The following TANGO6 variants were observed in gnomAD, a reference collection of about 807,000 sequenced individuals.
TANGO6 encodes the protein transport and Golgi organization protein 6 homolog.
TANGO6 carries 90 observed loss-of-function variants against 114.2 expected under a neutral mutation model. That is an observed-to-expected ratio of 0.79 (90% CI 0.66 to 0.94). The LOEUF (loss-of-function observed/expected upper bound fraction) is 0.94, where lower values mean the gene tolerates loss of function less well. Among genes scored for constraint, TANGO6 ranks in the 40% least tolerant of loss-of-function variants. The probability of loss-of-function intolerance (pLI) is 0.00; values close to 1 mark genes in which losing one functional copy is unlikely to be tolerated. For missense variants in TANGO6, 1,274 were observed against 1,315.3 expected (o/e 0.97, Z 0.49); for synonymous variants, 477 against 509.8 (o/e 0.94, Z 0.87).
At chr16:68,925,241 T>C (rs28645609) in intron 12 of TANGO6, among the ~76,000 whole-genome samples, 30,445 of 151,682 alleles carry the variant, frequency 0.2, 3,410 homozygotes, top group African/African-American at 0.3. Flanking sequence ...ACCTGGGAGG[T>C]GGAGGTTGCA....
At position 68,905,230 on chromosome 16, in the gene TANGO6, CA is replaced by C. The variant is rs1003510004; in HGVS notation, c.1668-2204del. On this transcript the variant is annotated intron_variant, in intron 9 of 17. Transcript: ENST00000261778. The stretch of plus-strand genomic sequence containing the variant: ...GGGCAACAAGAGTGGAACTGTGTCT[CA>C]AAAAAAAATAAAATAAAATTGGGGC... Among the ~76,000 whole-genome samples, 102 of 140,014 alleles carry C rather than the reference CA, an allele frequency of 7.3e-4. 1 individual carries two copies. The highest frequency in any genetic ancestry group is 2.6e-3 in the African/African-American group (100 of 37,746). 91.9% of individuals were successfully genotyped at this position (140,014 alleles called of 152,430 possible).
At chr16:68,919,484 A>G (rs189132852) in intron 12 of TANGO6, among the ~76,000 whole-genome samples, 2 of 152,276 alleles carry the variant, frequency 1.3e-5, no homozygotes, top group Admixed American at 1.3e-4. Flanking sequence ...GGGAACATCT[A>G]GCCTGGTGTT....
Position 68,878,212 on chromosome 16 carries a change from C to G in TANGO6, c.1226C>G (p.Pro409Arg). 6.2e-7 allele frequency: 1 copy of G among 1,613,214 alleles called. No individual in the cohort carries two copies. Among genetic ancestry groups the G allele is most frequent in the Non-Finnish European group, 8.5e-7 (1 of 1,179,604 alleles). The stretch of plus-strand genomic sequence containing the variant: ...TTTATAACTTTGTCAAGAGAACGCC[C>G]ACATTTGGCAGCAAAGTATTTGCTC... ...TTFITLSRER[P>R]HLAAKYLLQP... The change falls in exon 6 of 18, where the codon CCA (proline) becomes CGA (arginine). Residue 409 changes from proline to arginine, a missense_variant. Pro to Arg is a moderately radical substitution (Grantham distance 103). This residue lies in a region of TANGO6 where 908 missense variants were observed against 910.2 expected (regional missense o/e 1.00). Transcript: ENST00000261778.
At chr16:68,988,447 G>C (rs1184480307) in intron 15 of TANGO6, among the ~76,000 whole-genome samples, 1 of 152,156 alleles carries the variant, frequency 6.6e-6, no homozygotes, top group African/African-American at 2.4e-5. Flanking sequence ...CCAGGGCTCT[G>C]CCCTTGGTCC....
chr16:69,082,624 A>G (rs555547711), intron 17 of TANGO6, among the ~76,000 whole-genome samples: 3 of 152,212 alleles, frequency 2.0e-5, no homozygotes, highest in African/African-American at 7.2e-5. Context: ...GCGCACCTGT[A>G]GTCCCAGCTA....
intron 12 of TANGO6, among the ~76,000 whole-genome samples, chr16:68,925,523 A>T (rs528135884): frequency 2.7e-4 from 41 of 152,158 alleles, no homozygotes; most frequent in African/African-American, 9.9e-4. Flanking sequence ...CCTTTTTCAG[A>T]TATGTCTTTT....
In TANGO6 at chr16:68,968,656, C is replaced by A. The variant is rs908066386; in HGVS notation, c.2702-5372C>A. On this transcript the variant is annotated intron_variant, in intron 14 of 17. Transcript: ENST00000261778. ...CTGGGATTACAGGCGTGAGCCACTG[C>A]ACCCAGCCTAGCATTTTTTTTTTTT... 8.6e-5 allele frequency among the ~76,000 whole-genome samples: 13 copies of A among 150,500 alleles called. No individual in the cohort carries two copies. The East Asian group carries it at 2.5e-3, about 29-fold the overall frequency.
At chr16:69,007,125 A>G (rs1964098302) in intron 15 of TANGO6, 1 of 152,132 alleles carries the variant, frequency 6.6e-6, no homozygotes, top group South Asian at 2.1e-4. Context: ...TATCATTCCA[A>G]TTTTGGTATA....
At chr16:69,037,695 T>TG (rs1381420047) in intron 16 of TANGO6, among the ~76,000 whole-genome samples, 4 of 152,142 alleles carry the variant, frequency 2.6e-5, no homozygotes, top group East Asian at 1.9e-4. Context: ...GGCCTTAGGG[T>TG]GGGGGGTCCC....
intron 7 of TANGO6, chr16:68,900,114 A>G (rs1433632937): frequency 7.5e-6 from 2 of 266,250 alleles, no homozygotes; most frequent in South Asian, 1.4e-4. Context: ...TGGTTACACA[A>G]TAGGTAAATT....
chr16:68,962,858 G>A (rs1383750797), intron 14 of TANGO6, among the ~76,000 whole-genome samples: 1 of 151,578 alleles, frequency 6.6e-6, no homozygotes, highest in Non-Finnish European at 1.5e-5. Flanking sequence ...GAGGCGGGTG[G>A]ATCACGAGGT....
chr16:68,889,701 G>A (rs915061605), intron 7 of TANGO6, among the ~76,000 whole-genome samples: 2 of 152,162 alleles, frequency 1.3e-5, no homozygotes, highest in South Asian at 2.1e-4. Context: ...AGACTCTCTG[G>A]TATGGTGTAG....
intron 1 of TANGO6, among the ~76,000 whole-genome samples, chr16:68,859,121 A>G (rs1162528040): frequency 6.6e-6 from 1 of 152,154 alleles, no homozygotes; most frequent in Admixed American, 6.5e-5. Flanking sequence ...GATCTTCCTC[A>G]CTAGAATGTA....
At chr16:69,003,971 A>G (rs1964068079) in intron 15 of TANGO6, among the ~76,000 whole-genome samples, 1 of 151,874 alleles carries the variant, frequency 6.6e-6, no homozygotes, top group Non-Finnish European at 1.5e-5. Flanking sequence ...CTAAATCCAC[A>G]TTTTAAACCC....
intron 14 of TANGO6, among the ~76,000 whole-genome samples, chr16:68,930,953 T>A (rs752696520): frequency 1.3e-5 from 2 of 152,186 alleles, no homozygotes; most frequent in African/African-American, 2.4e-5. Context: ...ACTGTCTATA[T>A]GCACCTTTGC....
At chr16:68,879,167 T>G (rs1359139025) in intron 6 of TANGO6, among the ~76,000 whole-genome samples, 1 of 152,124 alleles carries the variant, frequency 6.6e-6, no homozygotes, top group East Asian at 1.9e-4. Context: ...AAATTTTTAT[T>G]TCTGTATTGT....
At position 69,020,900 on chromosome 16, in the gene TANGO6, A is replaced by ATGTG. The variant is rs764050755; in HGVS notation, c.2843-1925_2843-1924insGTGT. Among the ~76,000 whole-genome samples the ATGTG allele has an allele frequency of 7.9e-3, 1,004 of 126,408 alleles. 19 individuals are homozygous for ATGTG. Among genetic ancestry groups the ATGTG allele is most frequent in the African/African-American group, 0.032 (896 of 27,822 alleles). The allele number at this position is 126,408 out of a possible 152,430, so 82.9% of individuals were successfully genotyped here. A position where few individuals can be genotyped will look rare whatever the true frequency, so the allele number is the denominator to read the frequency against. On this transcript the variant is annotated intron_variant, in intron 15 of 17. Coordinates refer to ENST00000261778, the MANE Select transcript of TANGO6 (RefSeq NM_024562.2). The stretch of plus-strand genomic sequence containing the variant: ...AGACCCACCCCCCCTTTATATATGT[A>ATGTG]TGTATGTGTGTGTGTGTGTGTGTGT...
At chr16:68,917,616 T>C (rs780935219) in intron 11 of TANGO6, among the ~76,000 whole-genome samples, 1 of 152,208 alleles carries the variant, frequency 6.6e-6, no homozygotes, top group Non-Finnish European at 1.5e-5. Context: ...CTATTAGGTG[T>C]GTAACAGTAT....
Position 68,880,631 on chromosome 16 carries a change from G to C in TANGO6, c.1377+1G>C. On this transcript the variant is annotated splice_donor_variant, in intron 7 of 17. Transcript: ENST00000261778. LOFTEE classifies it high-confidence loss of function. ...TAGATGCATTGAGGATGTGTTTAAG[G>C]TTGGTAATCTGAGTCACTAATGTTT... 1.3e-6 allele frequency: 2 copies of C among 1,580,450 alleles called. No individual in the cohort carries two copies. The highest frequency in any genetic ancestry group is 1.7e-6 in the Non-Finnish European group (2 of 1,165,948).
Sources: gnomAD v4.1 joint callset for allele counts (sites outside exome capture counted in the v4.1 genomes callset) on GRCh38, gnomAD v4.1.1 for gene constraint, gnomAD v4.1.1 regional missense constraint, MANE v1.5 for transcripts, NCBI Gene and HGNC (gene_info 2026-07-23, HGNC 2026-07-21) for gene names.